The following ADGRB3 variants were observed in gnomAD, a reference collection of about 807,000 sequenced individuals.
The protein encoded by ADGRB3 is brain-specific angiogenesis inhibitor 3.
In ADGRB3, 37 loss-of-function variants were observed where a neutral mutation model predicts 193.4. That is an observed-to-expected ratio of 0.19 (90% confidence interval 0.15 to 0.25). The LOEUF is 0.25. Among genes scored for constraint, ADGRB3 ranks in the 10% least tolerant of loss-of-function variants. ADGRB3 has a pLI of 1.00. For synonymous variants in ADGRB3, 690 were observed against 644.2 expected (o/e 1.07, Z -1.08); for missense variants, 1,637 against 1,852.9 (o/e 0.88, Z 2.14).
intron 29 of ADGRB3, among the ~76,000 whole-genome samples, chr6:69,371,196 G>T (rs1040085035): frequency 6.6e-6 from 1 of 151,944 alleles, no homozygotes; most frequent in East Asian, 1.9e-4. Context: ...CTTTCTTTCG[G>T]CATGTCCCCT....
intron 17 of ADGRB3, among the ~76,000 whole-genome samples, chr6:69,206,045 G>GTATATGTATATATA: frequency 1.0e-5 from 1 of 99,930 alleles, no homozygotes; most frequent in African/African-American, 3.8e-5. Flanking sequence ...TATAATAATG[G>GTATATGTATATATA]TATATATATA....
intron 24 of ADGRB3, among the ~76,000 whole-genome samples, chr6:69,335,693 A>G (rs562338360): frequency 6.6e-6 from 1 of 152,220 alleles, no homozygotes; most frequent in South Asian, 2.1e-4. Context: ...AATCAAAATT[A>G]ACTAAAGAAA....
At position 68,638,842 on chromosome 6, in the gene ADGRB3, C is replaced by G. The variant is rs751760529; in HGVS notation, c.167C>G (p.Thr56Ser). ...TTTCCTAAAAACTTTACAAACTGCA[C>G]TTGGACGCTGGAAAATCCAGATCCA... ...EMFPKNFTNC[T>S]WTLENPDPTK... The change falls in exon 3 of 32, where the codon ACT becomes AGT. Residue 56 changes from threonine to serine, a missense_variant. Physicochemically the swap from Thr to Ser is moderately conservative, Grantham distance 58. Coordinates refer to ENST00000370598, the MANE Select transcript of ADGRB3 (RefSeq NM_001704.3). The G allele has an allele frequency of 1.9e-6, 3 of 1,614,110 alleles. No individual in the cohort carries two copies. The South Asian group carries it at 3.3e-5, about 18-fold the overall frequency.
intron 3 of ADGRB3, among the ~76,000 whole-genome samples, chr6:68,929,060 T>C (rs1302307697): frequency 3.3e-5 from 5 of 152,150 alleles, no homozygotes; most frequent in African/African-American, 7.2e-5. Flanking sequence ...AGACACCACA[T>C]ACAGCACACA....
rs565858397 is a variant in ADGRB3 at position 68,720,134 on chromosome 6, AAGCCTATGG to A, written c.757+80704_757+80712del. ...GAATCAACTATGAATTGATATGTTT[AAGCCTATGG>A]ACCTGCTTTGGGGAAGAGAGTAGAG... On this transcript the variant is annotated intron_variant, in intron 3 of 31. Coordinates refer to ENST00000370598, the MANE Select transcript of ADGRB3 (RefSeq NM_001704.3). 3.7e-4 allele frequency among the ~76,000 whole-genome samples: 56 copies of A among 151,912 alleles called. No individual in the cohort carries two copies. The East Asian group carries it at 9.9e-3, about 27-fold the overall frequency.
intron 30 of ADGRB3, among the ~76,000 whole-genome samples, chr6:69,375,248 G>A (rs1288518772): frequency 1.3e-5 from 2 of 152,092 alleles, no homozygotes; most frequent in African/African-American, 4.8e-5. Flanking sequence ...TATACTCTAG[G>A]TTTTAAAAAG....
intron 3 of ADGRB3, among the ~76,000 whole-genome samples, chr6:68,891,848 A>G (rs923411392): frequency 6.6e-6 from 1 of 152,156 alleles, no homozygotes; most frequent in South Asian, 2.1e-4. Flanking sequence ...AATGAAGATG[A>G]CAGAGCCAAG....
At chr6:68,822,605 G>A (rs1474762972) in intron 3 of ADGRB3, among the ~76,000 whole-genome samples, 5 of 151,826 alleles carry the variant, frequency 3.3e-5, no homozygotes, top group African/African-American at 1.2e-4. Flanking sequence ...TACCATTCAA[G>A]GTCCACCTGA....
At position 69,361,434 on chromosome 6, in the gene ADGRB3, C is replaced by T. The variant is rs376736924; in HGVS notation, c.4161C>T (p.Phe1387=). The T allele has an allele frequency of 3.7e-6, 6 of 1,612,802 alleles. No individual in the cohort carries two copies. Among genetic ancestry groups the T allele is most frequent in the Non-Finnish European group, 5.1e-6 (6 of 1,179,230 alleles). The change falls in exon 29 of 32, where the codon TTC becomes TTT. Residue 1387 remains phenylalanine (F), a synonymous_variant. Coordinates refer to ENST00000370598, the MANE Select transcript of ADGRB3 (RefSeq NM_001704.3). ...PFEPRTAVKN[F]MASELDDNAG... is the part of the protein sequence containing the mutation. ...AACCTCGCACAGCTGTGAAGAATTT[C>T]ATGGCCTCTGAGTTGGATGATAATG...
chr6:68,781,205 A>T (rs1352960655), intron 3 of ADGRB3, among the ~76,000 whole-genome samples: 1 of 152,114 alleles, frequency 6.6e-6, no homozygotes, highest in Non-Finnish European at 1.5e-5. Context: ...CACCATTTAT[A>T]TCAGGATCTT....
At chr6:69,286,161 T>C (rs1451126291) in intron 20 of ADGRB3, among the ~76,000 whole-genome samples, 6 of 152,200 alleles carry the variant, frequency 3.9e-5, no homozygotes, top group African/African-American at 1.2e-4. Flanking sequence ...TACTTTTTCC[T>C]GACAGTTCTC....
At chr6:69,222,569 A>T (rs1452401471) in intron 17 of ADGRB3, among the ~76,000 whole-genome samples, 3 of 152,284 alleles carry the variant, frequency 2.0e-5, no homozygotes, top group African/African-American at 7.2e-5. Flanking sequence ...TATTTCATAG[A>T]TCATATAGAT....
chr6:69,137,887 T>C (rs1057013854), intron 17 of ADGRB3, among the ~76,000 whole-genome samples: 1 of 152,202 alleles, frequency 6.6e-6, no homozygotes, highest in Non-Finnish European at 1.5e-5. Context: ...ACAGAACAAA[T>C]AGGTGAAATG....
intron 17 of ADGRB3, among the ~76,000 whole-genome samples, chr6:69,226,471 A>T (rs1429698886): frequency 6.6e-6 from 1 of 152,204 alleles, no homozygotes; most frequent in Non-Finnish European, 1.5e-5. Context: ...TGTCCTCATG[A>T]TATGTACATT....
chr6:68,745,410 A>G (rs1273047282), intron 3 of ADGRB3, among the ~76,000 whole-genome samples: 1 of 152,174 alleles, frequency 6.6e-6, no homozygotes, highest in African/African-American at 2.4e-5. Context: ...TAGCAACAGA[A>G]ACAATGGTGG....
chr6:69,360,502 T>A (rs921263678), intron 28 of ADGRB3, among the ~76,000 whole-genome samples: 1 of 151,898 alleles, frequency 6.6e-6, no homozygotes, highest in African/African-American at 2.4e-5. Context: ...GTTCATAATT[T>A]TACAAAAATC....
chr6:68,655,545 C>T (rs376460602), intron 3 of ADGRB3, among the ~76,000 whole-genome samples: 1 of 151,612 alleles, frequency 6.6e-6, no homozygotes, highest in Non-Finnish European at 1.5e-5. Context: ...CTTTAATGGA[C>T]CTCAGAGAAA....
intron 20 of ADGRB3, among the ~76,000 whole-genome samples, chr6:69,243,017 C>A (rs1649490388): frequency 6.6e-6 from 1 of 151,726 alleles, no homozygotes; most frequent in African/African-American, 2.4e-5. Context: ...ATGACAAAAG[C>A]ATGTATTGCT....
intron 5 of ADGRB3, among the ~76,000 whole-genome samples, chr6:68,939,628 C>A (rs535304596): frequency 2.6e-5 from 4 of 151,992 alleles, no homozygotes; most frequent in African/African-American, 9.7e-5. Context: ...GGAATTTTTT[C>A]ATCTGGTTAT....
Sources: gnomAD v4.1 joint callset for allele counts (sites outside exome capture counted in the v4.1 genomes callset) on GRCh38, gnomAD v4.1.1 for gene constraint, MANE v1.5 for transcripts, NCBI Gene and HGNC (gene_info 2026-07-23, HGNC 2026-07-21) for gene names.